The following FBXO21 variants were observed in gnomAD, a reference collection of about 807,000 sequenced individuals.
FBXO21 encodes the protein F-box only protein 21.
Under a neutral mutation model 76.6 loss-of-function variants are expected in FBXO21, and 32 were observed. That is an observed-to-expected ratio of 0.42 (90% CI 0.32 to 0.56). The LOEUF (loss-of-function observed/expected upper bound fraction) is 0.56, where lower values mean the gene tolerates loss of function less well. Ranked by LOEUF, FBXO21 falls within the 20% of genes least tolerant of loss-of-function variation. The pLI, the probability that FBXO21 is intolerant of heterozygous loss-of-function variation, is 0.16. For missense variants in FBXO21, 586 were observed against 797.3 expected (o/e 0.73, Z 3.19); for synonymous variants, 328 against 311.5 (o/e 1.05, Z -0.56).
chr12:117,160,132 G>A (rs1341463967), intron 9 of FBXO21, among the ~76,000 whole-genome samples: 1 of 152,124 alleles, frequency 6.6e-6, no homozygotes, highest in Non-Finnish European at 1.5e-5. Context: ...TCTGTAAAGG[G>A]CTAGAGAAGA....
chr12:117,157,630 A>G (rs61044549), intron 10 of FBXO21, among the ~76,000 whole-genome samples: 2,382 of 145,310 alleles, frequency 0.016, 64 homozygotes, highest in African/African-American at 0.052. Context: ...AAAGGCCACT[A>G]AAAACACTAG....
At chr12:117,160,574 T>C (rs1454637304) in intron 9 of FBXO21, among the ~76,000 whole-genome samples, 1 of 152,224 alleles carries the variant, frequency 6.6e-6, no homozygotes, top group Non-Finnish European at 1.5e-5. Context: ...TGCCCCCGTG[T>C]TGAAAAATCT....
intron 11 of FBXO21, among the ~76,000 whole-genome samples, chr12:117,148,632 C>A (rs1388743340): frequency 2.6e-5 from 4 of 152,218 alleles, no homozygotes; most frequent in African/African-American, 9.6e-5. Flanking sequence ...GCCACGTAAC[C>A]CTGGAAGGAG....
rs1259762519 is a variant in FBXO21 at position 117,145,305 on chromosome 12, T to C, written c.*782A>G. On this transcript the variant is annotated 3_prime_UTR_variant, in exon 12 of 12. Coordinates refer to ENST00000622495, the MANE Select transcript of FBXO21 (RefSeq NM_015002.3). ...TCATTTAAAATGGAGGAATTGTAGA[T>C]GAGTATGGAAAAATCCATTCACAAA... The C allele has an allele frequency of 6.6e-6, 1 of 152,112 alleles. No homozygotes were observed. Among genetic ancestry groups the C allele is most frequent in the Non-Finnish European group, 1.5e-5 (1 of 68,034 alleles). The allele number at this position is 152,112 out of a possible 1,614,324, so 9.4% of individuals were successfully genotyped here.
intron 7 of FBXO21, among the ~76,000 whole-genome samples, chr12:117,170,866 T>C (rs576736902): frequency 2.0e-5 from 3 of 152,270 alleles, no homozygotes; most frequent in Non-Finnish European, 4.4e-5. Context: ...TTGGAGATAC[T>C]TGGGGAGATT....
At chr12:117,147,290 G>GAAAAAAAAAAAAA (rs144755940) in intron 11 of FBXO21, among the ~76,000 whole-genome samples, 2 of 85,064 alleles carry the variant, frequency 2.4e-5, no homozygotes, top group African/African-American at 4.8e-5. Flanking sequence ...TGAAAAAATG[G>GAAAAAAAAAAAAA]AAAAAAAAAA....
In FBXO21 at chr12:117,144,043, G is replaced by C. The variant is rs1452706279; in HGVS notation, c.*2044C>G. The C allele has an allele frequency of 6.6e-6, 1 of 152,534 alleles. No individual in the cohort carries two copies. Among genetic ancestry groups the C allele is most frequent in the Non-Finnish European group, 1.5e-5 (1 of 68,016 alleles). The allele number at this position is 152,534 out of a possible 1,614,324, so 9.4% of individuals were successfully genotyped here. ...AATACCAACTTACACAGGTGATACA[G>C]GCTTCCTGGAGCCCCATGAAGCATT... On this transcript the variant is annotated 3_prime_UTR_variant, in exon 12 of 12. Transcript: ENST00000622495.
At position 117,190,404 on chromosome 12, in the gene FBXO21, T is replaced by TCCGCCAGCGCCGGCACCA; in HGVS notation, c.35_52dup (p.Val12_Ala17dup). 1 of 1,490,674 alleles carries TCCGCCAGCGCCGGCACCA rather than the reference T, an allele frequency of 6.7e-7. No individual in the cohort carries two copies. Among genetic ancestry groups the TCCGCCAGCGCCGGCACCA allele is most frequent in the Non-Finnish European group, 8.9e-7 (1 of 1,126,226 alleles). The allele number at this position is 1,490,674 out of a possible 1,614,324, so 92.3% of individuals were successfully genotyped here. On this transcript the variant is annotated inframe_insertion, in exon 1 of 12. Transcript: ENST00000622495. Reference sequence around the variant, plus strand: ...GCCCGCTACCTCCGGCGCGGCCTCCTCCGCCAGCGCCGGCACCACCTCCAT... The same window carrying TCCGCCAGCGCCGGCACCA: ...GCCCGCTACCTCCGGCGCGGCCTCCTCCGCCAGCGCCGGCACCACCGCCAGCGCCGGCACCACCTCCAT...
At chr12:117,183,955 T>C (rs1479043377) in intron 3 of FBXO21, among the ~76,000 whole-genome samples, 1 of 152,166 alleles carries the variant, frequency 6.6e-6, no homozygotes, top group African/African-American at 2.4e-5. Context: ...AGTTTAAATA[T>C]ATTAAATTAT....
At chr12:117,171,872 C>CT (rs760241574) in intron 7 of FBXO21, among the ~76,000 whole-genome samples, 1 of 152,124 alleles carries the variant, frequency 6.6e-6, no homozygotes, top group Non-Finnish European at 1.5e-5. Flanking sequence ...TGAAAATGAG[C>CT]TTTTTGCCCT....
chr12:117,153,809 A>G (rs1861276013), intron 11 of FBXO21, among the ~76,000 whole-genome samples: 1 of 152,260 alleles, frequency 6.6e-6, no homozygotes, highest in South Asian at 2.1e-4. Flanking sequence ...AACATTACCC[A>G]TCATTTAGTT....
At chr12:117,151,004 C>T (rs936016075) in intron 11 of FBXO21, among the ~76,000 whole-genome samples, 1 of 103,456 alleles carries the variant, frequency 9.7e-6, no homozygotes, top group Non-Finnish European at 2.0e-5. Flanking sequence ...GTGTGTGTGT[C>T]GGGCGGGGAG....
intron 10 of FBXO21, among the ~76,000 whole-genome samples, chr12:117,157,038 C>CCAGGCGTG (rs1955924185): frequency 6.6e-6 from 1 of 151,930 alleles, no homozygotes; most frequent in East Asian, 1.9e-4. Flanking sequence ...AAAAAATTAG[C>CCAGGCGTG]CAGGCGTGGT....
rs578085075 is a variant in FBXO21 at position 117,165,726 on chromosome 12, T to C, written c.1194-109A>G. 8 of 1,097,658 alleles carry C rather than the reference T, an allele frequency of 7.3e-6. No individual in the cohort carries two copies. The African/African-American group carries it at 1.2e-4, about 17-fold the overall frequency. The allele number at this position is 1,097,658 out of a possible 1,614,324, so 68.0% of individuals were successfully genotyped here. A position where few individuals can be genotyped will look rare whatever the true frequency, so the allele number is the denominator to read the frequency against. ...TAATTGACACAAATCCCAAACGTTTTCTGATTCTGGTATTTCTTCTCAGCT... is the reference window on the plus strand; with the variant it reads ...TAATTGACACAAATCCCAAACGTTTCCTGATTCTGGTATTTCTTCTCAGCT... On this transcript the variant is annotated intron_variant, in intron 8 of 11. Transcript: ENST00000622495.
intron 9 of FBXO21, among the ~76,000 whole-genome samples, chr12:117,158,269 G>A (rs1467933805): frequency 1.3e-5 from 2 of 152,160 alleles, no homozygotes; most frequent in African/African-American, 2.4e-5. Context: ...CCAGGGTTGG[G>A]CTCTACTGTA....
chr12:117,180,629 CT>C (rs879593190), intron 3 of FBXO21, among the ~76,000 whole-genome samples: 15 of 150,008 alleles, frequency 1.0e-4, no homozygotes, highest in Admixed American at 4.0e-4. Flanking sequence ...GTTTTCATCA[CT>C]TTTTTTTTTC....
At chr12:117,156,096 A>G (rs1217899528) in intron 10 of FBXO21, 148 bp from the exon 11 acceptor site, 3 of 644,432 alleles carry the variant, frequency 4.7e-6, no homozygotes, top group Non-Finnish European at 5.4e-6. Context: ...CCCTTTTATA[A>G]ACACCTCTTA....
chr12:117,149,978 G>A (rs184377059), intron 11 of FBXO21, among the ~76,000 whole-genome samples: 2 of 152,274 alleles, frequency 1.3e-5, no homozygotes, highest in Non-Finnish European at 2.9e-5. Context: ...GTCCTCGAGG[G>A]TGCTCCCAGC....
At chr12:117,173,070 T>C (rs1956133915) in intron 6 of FBXO21, among the ~76,000 whole-genome samples, 2 of 151,682 alleles carry the variant, frequency 1.3e-5, no homozygotes, top group African/African-American at 4.8e-5. Flanking sequence ...AGTCCCGCTC[T>C]GTTGCCCAGA....
Sources: gnomAD v4.1 joint callset for allele counts (sites outside exome capture counted in the v4.1 genomes callset) on GRCh38, gnomAD v4.1.1 for gene constraint, MANE v1.5 for transcripts, NCBI Gene and HGNC (gene_info 2026-07-23, HGNC 2026-07-21) for gene names.